EXTL3: variants seen among roughly 807,000 people sequenced by gnomAD.
The protein encoded by EXTL3 is exostosin like glycosyltransferase 3.
EXTL3 carries 27 observed loss-of-function variants against 69.3 expected under a neutral mutation model. That is an observed-to-expected ratio of 0.39 (90% confidence interval 0.29 to 0.54). The LOEUF (loss-of-function observed/expected upper bound fraction) is 0.54. EXTL3 is among the 20% of genes least tolerant of loss of function. The pLI is 0.69. For missense variants in EXTL3, 1,003 were observed against 1,231.8 expected (o/e 0.81, Z 2.78); for synonymous variants, 511 against 499.4 (o/e 1.02, Z -0.31).
intron 1 of EXTL3, among the ~76,000 whole-genome samples, chr8:28,683,599 G>C (rs1184173060): frequency 6.6e-6 from 1 of 152,136 alleles, no homozygotes; most frequent in African/African-American, 2.4e-5. Flanking sequence ...TGGATCACAA[G>C]GTCAGGAGAT....
intron 3 of EXTL3, among the ~76,000 whole-genome samples, chr8:28,721,104 G>A (rs2130749155): frequency 6.6e-6 from 1 of 152,306 alleles, no homozygotes; most frequent in South Asian, 2.1e-4. Context: ...GTTTTCAGCA[G>A]TTTGACTGTG....
chr8:28,699,866 C>T (rs1800749311), upstream of EXTL3: 1 of 152,190 alleles, frequency 6.6e-6, no homozygotes, highest in Non-Finnish European at 1.5e-5. Flanking sequence ...TGTTAAGTTA[C>T]TCCAACGTAA....
upstream of EXTL3, among the ~76,000 whole-genome samples, chr8:28,698,698 CAA>C (rs1800723283): frequency 6.6e-6 from 1 of 151,672 alleles, no homozygotes; most frequent in African/African-American, 2.4e-5. Context: ...AAAAACAAAA[CAA>C]AACAAAAATT....
chr8:28,651,313 G>A (rs1806914941), intron 1 of EXTL3, among the ~76,000 whole-genome samples: 1 of 152,010 alleles, frequency 6.6e-6, no homozygotes, highest in South Asian at 2.1e-4. Context: ...TTCCTGATAA[G>A]CTTTCAGAAC....
At chr8:28,745,212 T>C (rs1166820474) in intron 6 of EXTL3, among the ~76,000 whole-genome samples, 1 of 152,166 alleles carries the variant, frequency 6.6e-6, no homozygotes, top group African/African-American at 2.4e-5. Context: ...AAGTCGTAGC[T>C]TGAGTGCTAA....
In EXTL3 at chr8:28,732,523, C is replaced by G. The variant is rs143483114; in HGVS notation, c.2276+1173C>G. Among the ~76,000 whole-genome samples, 759 of 152,208 alleles carry G rather than the reference C, an allele frequency of 5.0e-3. 5 individuals are homozygous for G. Among genetic ancestry groups the G allele is most frequent in the African/African-American group, 0.018 (735 of 41,508 alleles). ...AAATCTTCATCACCACTGAAAGAAA[C>G]CCTGTACCTATTAACAGCCACTCCC... is the stretch of plus-strand genomic sequence containing the variant. On this transcript the variant is annotated intron_variant, in intron 4 of 6. Coordinates refer to ENST00000220562, the MANE Select transcript of EXTL3 (RefSeq NM_001440.4).
intron 1 of EXTL3, among the ~76,000 whole-genome samples, chr8:28,690,193 T>A (rs1800591103): frequency 6.6e-6 from 1 of 152,156 alleles, no homozygotes; most frequent in Non-Finnish European, 1.5e-5. Context: ...CACATTAATT[T>A]TAATTTTTCT....
In EXTL3 at chr8:28,750,810, G is replaced by A. The variant is rs1801987916; in HGVS notation, c.2704G>A (p.Val902Met). ...GTACACGCAGTTCAGGGTGGATTCT[G>A]TGCTCTTCAAGACACGCCTGCCCCA... ...LLYTQFRVDS[V>M]LFKTRLPHDK... The change falls in exon 7 of 7, where the codon GTG becomes ATG. Residue 902 changes from valine to methionine, a missense_variant. Transcript: ENST00000220562. This position sits in a 1 kb window ranked among gnomAD's most constrained non-coding sequence, Gnocchi z 5.2. The A allele has an allele frequency of 1.9e-6, 3 of 1,614,068 alleles. No individual in the cohort carries two copies. Among genetic ancestry groups the A allele is most frequent in the Non-Finnish European group, 1.7e-6 (2 of 1,180,054 alleles).
downstream of EXTL3, among the ~76,000 whole-genome samples, chr8:28,756,409 C>G (rs1802122486): frequency 6.6e-6 from 1 of 152,212 alleles, no homozygotes; most frequent in East Asian, 1.9e-4. Context: ...TTTGGAGATG[C>G]ATCCATCGTT....
upstream of EXTL3, among the ~76,000 whole-genome samples, chr8:28,618,316 T>C (rs1806354464): frequency 6.6e-6 from 1 of 151,158 alleles, no homozygotes; most frequent in East Asian, 1.9e-4. Context: ...AAAAAAAAGG[T>C]ATATAATAAT....
chr8:28,702,861 T>C (rs574514711), intron 1 of EXTL3, among the ~76,000 whole-genome samples: 22 of 152,316 alleles, frequency 1.4e-4, no homozygotes, highest in Admixed American at 1.2e-3. Flanking sequence ...CCATGCAGAC[T>C]CTGCAGTTTT....
At chr8:28,613,192 TC>T (rs1282909395) in intron 2 of EXTL3, among the ~76,000 whole-genome samples, 6 of 152,174 alleles carry the variant, frequency 3.9e-5, no homozygotes, top group African/African-American at 9.7e-5. Flanking sequence ...TTTTGTTTTT[TC>T]TTTTTTTTGA....
chr8:28,616,088 A>G (rs867351171), intron 2 of EXTL3, among the ~76,000 whole-genome samples: 5 of 152,140 alleles, frequency 3.3e-5, no homozygotes, highest in African/African-American at 1.2e-4. Flanking sequence ...AAAAGAAAAA[A>G]GATATCACTG....
At position 28,750,654 on chromosome 8, in the gene EXTL3, C is replaced by T. The variant is rs1298897902; in HGVS notation, c.2551-3C>T. The T allele has an allele frequency of 6.2e-7, 1 of 1,613,634 alleles. No homozygotes were observed. Among genetic ancestry groups the T allele is most frequent in the African/African-American group, 1.3e-5 (1 of 75,036 alleles). ...CCACTCTGTCTCTCTCTCCCGTTTCCAGGTGACCTCACGGTGGACATTCCG... is the reference window on the plus strand; with the variant it reads ...CCACTCTGTCTCTCTCTCCCGTTTCTAGGTGACCTCACGGTGGACATTCCG... On this transcript the variant is annotated splice_polypyrimidine_tract_variant and splice_region_variant and intron_variant, in intron 6 of 6. Transcript: ENST00000220562. This position sits in a 1 kb window ranked among gnomAD's most constrained non-coding sequence, Gnocchi z 5.2.
intron 1 of EXTL3, among the ~76,000 whole-genome samples, chr8:28,693,059 T>G (rs976909923): frequency 1.5e-4 from 23 of 152,200 alleles, no homozygotes; most frequent in African/African-American, 5.1e-4. Context: ...CTTAGAAAAT[T>G]TTGATGGCAT....
At chr8:28,640,201 A>G (rs1490520007) in intron 1 of EXTL3, among the ~76,000 whole-genome samples, 2 of 152,380 alleles carry the variant, frequency 1.3e-5, no homozygotes, top group Non-Finnish European at 2.9e-5. Flanking sequence ...ATTACAAAGT[A>G]TAACTCAATA....
chr8:28,608,505 A>G (rs1000870615), intron 2 of EXTL3, among the ~76,000 whole-genome samples: 10 of 152,156 alleles, frequency 6.6e-5, no homozygotes, highest in Non-Finnish European at 1.2e-4. Flanking sequence ...AACAAGATAC[A>G]TTGATAAGAT....
At chr8:28,662,747 C>G (rs1218203638) in intron 1 of EXTL3, among the ~76,000 whole-genome samples, 2 of 151,764 alleles carry the variant, frequency 1.3e-5, no homozygotes, top group African/African-American at 4.8e-5. Context: ...AATCCTGTCT[C>G]TAAAAAATAC....
intron 1 of EXTL3, among the ~76,000 whole-genome samples, chr8:28,661,994 TA>T (rs2130624128): frequency 6.6e-6 from 1 of 151,044 alleles, no homozygotes; most frequent in South Asian, 2.1e-4. Flanking sequence ...TAATACAATA[TA>T]AAATATATAC....
Sources: allele counts gnomAD v4.1 joint callset (sites outside exome capture counted in the v4.1 genomes callset), GRCh38; gene constraint gnomAD v4.1.1; non-coding constraint Gnocchi (gnomAD v3.1); transcripts MANE v1.5; gene names NCBI Gene and HGNC (gene_info 2026-07-23, HGNC 2026-07-21).